KIAA1328: variants seen among roughly 807,000 people sequenced by gnomAD.
KIAA1328 encodes the protein KIAA1328, also known as protein hinderin.
KIAA1328 carries 52 observed loss-of-function variants against 68.1 expected under a neutral mutation model. The ratio of observed to expected loss-of-function variants is 0.76; its 90% CI spans 0.61 to 0.96. KIAA1328 has a LOEUF of 0.96. Among genes scored for constraint, KIAA1328 ranks in the 40% least tolerant of loss-of-function variants. KIAA1328 has a pLI of 0.00. For synonymous variants in KIAA1328, 232 were observed against 239.4 expected (o/e 0.97, Z 0.28); for missense variants, 641 against 677.6 (o/e 0.95, Z 0.60).
intron 5 of KIAA1328, among the ~76,000 whole-genome samples, chr18:36,905,135 G>A (rs189684869): frequency 1.4e-3 from 204 of 149,104 alleles, no homozygotes; most frequent in African/African-American, 4.9e-3. Context: ...TTATTGAGAC[G>A]GAGTCTTGCT....
chr18:37,149,641 G>C (rs74680721), intron 7 of KIAA1328, among the ~76,000 whole-genome samples: 6 of 152,032 alleles, frequency 3.9e-5, no homozygotes. Context: ...ATATAGAAAA[G>C]GTATAGTAAA....
intron 7 of KIAA1328, among the ~76,000 whole-genome samples, chr18:37,068,545 A>G (rs1234610598): frequency 1.3e-5 from 2 of 152,118 alleles, no homozygotes; most frequent in African/African-American, 4.8e-5. Flanking sequence ...ATTTCATCGC[A>G]GTCTTAATTT....
chr18:37,186,564 C>CAA lies in KIAA1328; in HGVS notation c.1523+13505_1523+13506dup, dbSNP rs397858280. 7.1e-3 allele frequency among the ~76,000 whole-genome samples: 520 copies of CAA among 73,120 alleles called. 3 individuals carry two copies. Among genetic ancestry groups the CAA allele is most frequent in the African/African-American group, 8.2e-3 (163 of 19,784 alleles). The allele number at this position is 73,120 out of a possible 152,430, so 48.0% of individuals were successfully genotyped here. A position where few individuals can be genotyped will look rare whatever the true frequency, so the allele number is the denominator to read the frequency against. ...CCTGGGTGACAGAGTGAAACCCTATCAAAAAAAAAAAAAAAAAAAAAAACC... is the reference window on the plus strand; with the variant it reads ...CCTGGGTGACAGAGTGAAACCCTATCAAAAAAAAAAAAAAAAAAAAAAAAACC... On this transcript the variant is annotated intron_variant, in intron 9 of 9. Transcript: ENST00000280020.
chr18:37,181,965 C>T (rs371070536), intron 9 of KIAA1328, among the ~76,000 whole-genome samples: 1 of 152,046 alleles, frequency 6.6e-6, no homozygotes, highest in South Asian at 2.1e-4. Flanking sequence ...TTGCAAAAAC[C>T]CTAAAGTTAC....
chr18:36,994,556 C>G (rs1441284548), intron 6 of KIAA1328, among the ~76,000 whole-genome samples: 3 of 152,156 alleles, frequency 2.0e-5, no homozygotes, highest in African/African-American at 7.2e-5. Flanking sequence ...AACTTAAGCA[C>G]TGTAGTTTGC....
At chr18:37,069,677 A>G (rs1229706643) in intron 7 of KIAA1328, among the ~76,000 whole-genome samples, 3 of 152,172 alleles carry the variant, frequency 2.0e-5, no homozygotes, top group East Asian at 1.9e-4. Context: ...TTTAAATTCC[A>G]AGTTTAATTT....
chr18:37,190,753 C>CA (rs1267523098), intron 9 of KIAA1328, among the ~76,000 whole-genome samples: 1 of 152,176 alleles, frequency 6.6e-6, no homozygotes, highest in Non-Finnish European at 1.5e-5. Context: ...TTGACCCAAA[C>CA]AAGGGATGTG....
At chr18:36,938,353 T>C (rs997419093) in intron 5 of KIAA1328, among the ~76,000 whole-genome samples, 1 of 152,136 alleles carries the variant, frequency 6.6e-6, no homozygotes, top group African/African-American at 2.4e-5. Flanking sequence ...TGATGATTAG[T>C]GATGATGAGC....
chr18:37,076,364 G>A (rs1390430719), intron 7 of KIAA1328, among the ~76,000 whole-genome samples: 1 of 151,970 alleles, frequency 6.6e-6, no homozygotes, highest in Non-Finnish European at 1.5e-5. Context: ...AGCACTAAAT[G>A]CCCACAAGAG....
chr18:37,036,262 T>C lies in KIAA1328; in HGVS notation c.577-30628T>C, dbSNP rs759575702. 5.9e-5 allele frequency among the ~76,000 whole-genome samples: 9 copies of C among 152,210 alleles called. No individual in the cohort carries two copies. The South Asian group carries it at 1.9e-3, about 31-fold the overall frequency. On this transcript the variant is annotated intron_variant, in intron 6 of 9. Coordinates refer to ENST00000280020, the MANE Select transcript of KIAA1328 (RefSeq NM_020776.3). ...CGTTGTTACATCCAAATTTAGAGAC[T>C]TATAGGAAAGAAGCAGTTTGTCCTG... is the stretch of plus-strand genomic sequence containing the variant.
intron 4 of KIAA1328, among the ~76,000 whole-genome samples, chr18:36,880,650 T>A (rs1265776031): frequency 6.6e-6 from 1 of 152,134 alleles, no homozygotes; most frequent in Non-Finnish European, 1.5e-5. Context: ...ATTCCTGAAG[T>A]GCAAAGGTAG....
chr18:36,880,463 G>C (rs1417673016), intron 4 of KIAA1328, among the ~76,000 whole-genome samples: 1 of 152,094 alleles, frequency 6.6e-6, no homozygotes, highest in African/African-American at 2.4e-5. Flanking sequence ...GTTTCTATTT[G>C]GCCATCTTGC....
chr18:36,831,809 CA>C (rs2046502278), intron 1 of KIAA1328, among the ~76,000 whole-genome samples: 1 of 152,130 alleles, frequency 6.6e-6, no homozygotes, highest in South Asian at 2.1e-4. Flanking sequence ...TTATTTCCTT[CA>C]AATCCTGGAG....
intron 4 of KIAA1328, among the ~76,000 whole-genome samples, chr18:36,881,133 C>CTT (rs1366683058): frequency 8.8e-5 from 12 of 136,844 alleles, no homozygotes; most frequent in African/African-American, 3.7e-4. Flanking sequence ...AGAAAGTTAA[C>CTT]TTGTTTTTTT....
intron 6 of KIAA1328, among the ~76,000 whole-genome samples, chr18:36,970,225 T>A (rs1481267040): frequency 1.3e-5 from 2 of 152,220 alleles, no homozygotes; most frequent in Non-Finnish European, 2.9e-5. Flanking sequence ...TCCCAATAGA[T>A]GCAGAAAAGA....
intron 5 of KIAA1328, among the ~76,000 whole-genome samples, chr18:36,896,446 G>T (rs1447763323): frequency 6.6e-6 from 1 of 152,088 alleles, no homozygotes; most frequent in Non-Finnish European, 1.5e-5. Context: ...TCCTCAGAGA[G>T]CAACTTCTAT....
chr18:37,217,121 C>T (rs1290447038), intron 9 of KIAA1328, among the ~76,000 whole-genome samples: 4 of 151,700 alleles, frequency 2.6e-5, no homozygotes, highest in African/African-American at 9.7e-5. Context: ...ATTCTTTATC[C>T]AATTTGCCAG....
At chr18:37,123,912 T>C (rs968984023) in intron 7 of KIAA1328, among the ~76,000 whole-genome samples, 1 of 152,196 alleles carries the variant, frequency 6.6e-6, no homozygotes, top group Non-Finnish European at 1.5e-5. Flanking sequence ...TTCCTGTTAA[T>C]AAGCTTGCTA....
At chr18:37,180,954 A>T (rs2059687890) in intron 9 of KIAA1328, among the ~76,000 whole-genome samples, 2 of 152,168 alleles carry the variant, frequency 1.3e-5, no homozygotes, top group African/African-American at 4.8e-5. Flanking sequence ...CATTTATAAT[A>T]TATGTTCATA....
Sources: allele counts gnomAD v4.1 joint callset (sites outside exome capture counted in the v4.1 genomes callset), GRCh38; gene constraint gnomAD v4.1.1; transcripts MANE v1.5; gene names NCBI Gene and HGNC (gene_info 2026-07-23, HGNC 2026-07-21).